ABL2: variants seen among roughly 807,000 people sequenced by gnomAD.
ABL2 encodes the protein ABL proto-oncogene 2, non-receptor tyrosine kinase, also known as tyrosine-protein kinase ABL2.
A neutral mutation model predicts 107.7 loss-of-function variants in ABL2; 49 were observed. The observed-to-expected ratio is 0.45, with a 90% CI of 0.36 to 0.58. ABL2 has a LOEUF of 0.58. ABL2 is among the 20% of genes least tolerant of loss of function. The probability of loss-of-function intolerance (pLI) is 0.00; values close to 1 mark genes in which losing one functional copy is unlikely to be tolerated. For missense variants in ABL2, 1,245 were observed against 1,457.0 expected, an observed-to-expected ratio of 0.85 and a Z score of 2.37; for synonymous variants, 549 against 548.6, an observed-to-expected ratio of 1.00 and a Z score of -0.01.
At position 179,109,288 on chromosome 1, in the gene ABL2, C is replaced by G. The variant is rs754569887; in HGVS notation, c.1979G>C (p.Arg660Thr). ...GCGTTTGGGGGGTGTAGGAGCATTTCTCTTCTTCATGAAGGAGCTGAAGAA... is the reference window on the plus strand; with the variant it reads ...GCGTTTGGGGGGTGTAGGAGCATTTGTCTTCTTCATGAAGGAGCTGAAGAA... ...GGFFSSFMKK[R>T]NAPTPPKRSS... The change falls in exon 12 of 12, where the codon AGA becomes ACA. Residue 660 changes from arginine to threonine, a missense_variant. By Grantham distance (71) the Arg-to-Thr change is moderately conservative (BLOSUM62 -1). This residue lies in a region of ABL2 where 761 missense variants were observed against 766.4 expected (regional missense o/e 0.99). Coordinates refer to ENST00000502732, the MANE Select transcript of ABL2 (RefSeq NM_007314.4). 1 of 1,614,110 alleles carries G rather than the reference C, an allele frequency of 6.2e-7. No individual in the cohort carries two copies.
chr1:179,110,743 G>A, intron 10 of ABL2: 1 of 1,613,610 alleles, frequency 6.2e-7, no homozygotes, highest in Non-Finnish European at 8.5e-7. Context: ...TGTTTAGGTT[G>A]TTTCCAGTTT....
intron 1 of ABL2, among the ~76,000 whole-genome samples, chr1:179,140,020 C>T (rs957514306): frequency 1.4e-4 from 21 of 152,268 alleles, no homozygotes; most frequent in Admixed American, 6.5e-4. Context: ...TCCATGCTTC[C>T]GTGCTTGTTC....
Position 179,108,773 on chromosome 1 carries a change from T to A in ABL2, c.2494A>T (p.Met832Leu). 6.2e-7 allele frequency: 1 copy of A among 1,614,204 alleles called. No homozygotes were observed. Among genetic ancestry groups the A allele is most frequent in the Admixed American group, 1.7e-5 (1 of 60,032 alleles). Residue 832 changes from methionine (M) to leucine (L), a missense_variant, in exon 12 of 12, where the codon ATG becomes TTG. Physicochemically the swap from Met to Leu is conservative, Grantham distance 15. Transcript: ENST00000502732. ...CTTTCCTCTGATTTTTTTGGAAGCA[T>A]GTCATTGGCCCTGTCCACATTCTCT... Reference protein sequence around the residue: ...PEENVDRANDMLPKKSEESAA... With the variant: ...PEENVDRANDLLPKKSEESAA...
chr1:179,126,889 A>G lies in ABL2; in HGVS notation c.392-217T>C, dbSNP rs1655773125. Among the ~76,000 whole-genome samples, 1 of 152,144 alleles carries G rather than the reference A, an allele frequency of 6.6e-6. No individual in the cohort carries two copies. The highest frequency in any genetic ancestry group is 1.5e-5 in the Non-Finnish European group (1 of 68,032). ...GCTTAACCACAGAAGTATGGTCACA[A>G]ATGGTTTTCTGGCATTTACTACAGG... On this transcript the variant is annotated intron_variant, in intron 3 of 11. Transcript: ENST00000502732. The surrounding 1 kb of genome is among the most constrained non-coding windows in gnomAD (Gnocchi z 4.4).
intron 1 of ABL2, among the ~76,000 whole-genome samples, chr1:179,223,672 G>A: frequency 6.6e-6 from 1 of 151,480 alleles, no homozygotes. Context: ...CTGCAGGATT[G>A]GCACTCAAGA....
chr1:179,176,209 G>A (rs562030323), intron 1 of ABL2, among the ~76,000 whole-genome samples: 114 of 152,072 alleles, frequency 7.5e-4, no homozygotes, highest in African/African-American at 2.6e-3. Context: ...TAGTGAGGGC[G>A]GTGGGAGGGT....
In ABL2 at chr1:179,101,965, GA is replaced by G. The variant is rs372669375; in HGVS notation, c.*5752del. On this transcript the variant is annotated 3_prime_UTR_variant, in exon 12 of 12. Transcript: ENST00000502732. Reference sequence around the variant, plus strand: ...ATTACTACTGGCTTGCTGGAAAAAAGAAAAAAAAAGCAAGCTTTGCATTAGA... The same window carrying G: ...ATTACTACTGGCTTGCTGGAAAAAAGAAAAAAAAGCAAGCTTTGCATTAGA... 6.6e-5 allele frequency: 4 copies of G among 60,196 alleles called. No homozygotes were observed. The highest frequency in any genetic ancestry group is 1.0e-3 in the East Asian group (2 of 2,008). The allele number at this position is 60,196 out of a possible 1,614,324, so 3.7% of individuals were successfully genotyped here.
At chr1:179,165,453 C>T (rs1242352446) in intron 1 of ABL2, among the ~76,000 whole-genome samples, 3 of 151,902 alleles carry the variant, frequency 2.0e-5, no homozygotes, top group Non-Finnish European at 4.4e-5. Context: ...CTAGTACAGC[C>T]CCAGATTTTC....
At chr1:179,114,746 T>C (rs1654453347) in intron 9 of ABL2, 132 bp downstream of exon 9, 12 of 932,016 alleles carry the variant, frequency 1.3e-5, no homozygotes, top group South Asian at 2.8e-5. Context: ...GGCTGATCAA[T>C]GATAAACTCT....
At position 179,100,237 on chromosome 1, in the gene ABL2, G is replaced by A. The variant is rs900560355; in HGVS notation, c.*7481C>T. 1 of 227,878 alleles carries A rather than the reference G, an allele frequency of 4.4e-6. No homozygotes were observed. Among genetic ancestry groups the A allele is most frequent in the East Asian group, 6.3e-5 (1 of 15,852 alleles). 14.1% of individuals were successfully genotyped at this position (227,878 alleles called of 1,614,324 possible). A position where few individuals can be genotyped will look rare whatever the true frequency, so the allele number is the denominator to read the frequency against. On this transcript the variant is annotated 3_prime_UTR_variant, in exon 12 of 12. Coordinates refer to ENST00000502732, the MANE Select transcript of ABL2 (RefSeq NM_007314.4). ...CAAATGGCCACAGTGAGAAATTGCT[G>A]TCAAAATGGAGGAGAGCTGGTTTCT... is the stretch of plus-strand genomic sequence containing the variant.
At chr1:179,131,513 G>A (rs778261123) in intron 2 of ABL2, 32 bp from the exon 3 acceptor site, 29 of 1,605,826 alleles carry the variant, frequency 1.8e-5, no homozygotes, top group East Asian at 1.1e-4. Context: ...GGGAATTCAC[G>A]GTGAGTTCAA....
At chr1:179,181,449 A>G (rs1163420020) in intron 1 of ABL2, among the ~76,000 whole-genome samples, 1 of 152,192 alleles carries the variant, frequency 6.6e-6, no homozygotes, top group Non-Finnish European at 1.5e-5. Context: ...TGAGTCCTAA[A>G]TAACTAGCCT....
At position 179,100,472 on chromosome 1, in the gene ABL2, T is replaced by C. The variant is rs1456341859; in HGVS notation, c.*7246A>G. On this transcript the variant is annotated 3_prime_UTR_variant, in exon 12 of 12. Coordinates refer to ENST00000502732, the MANE Select transcript of ABL2 (RefSeq NM_007314.4). ...ATAATTGCTGAAAATTAAGTATACA[T>C]ATATGTGAAAATTTAAGTCCCATTC... 7 of 227,052 alleles carry C rather than the reference T, an allele frequency of 3.1e-5. No individual in the cohort carries two copies. Among genetic ancestry groups the C allele is most frequent in the African/African-American group, 1.1e-4 (5 of 45,040 alleles). The allele number at this position is 227,052 out of a possible 1,614,324, so 14.1% of individuals were successfully genotyped here.
intron 4 of ABL2, among the ~76,000 whole-genome samples, chr1:179,124,464 CTTTTTT>C (rs562899587): frequency 2.4e-5 from 2 of 83,350 alleles, no homozygotes; most frequent in Non-Finnish European, 4.1e-5. Context: ...TTAGCTTCTG[CTTTTTT>C]TTTTTTTTTT....
At chr1:179,123,299 A>T (rs917336731) in intron 4 of ABL2, among the ~76,000 whole-genome samples, 2 of 152,092 alleles carry the variant, frequency 1.3e-5, no homozygotes, top group Admixed American at 6.5e-5. Flanking sequence ...TGAGGTCAAG[A>T]GTTGAGACCA....
At chr1:179,127,674 TC>T (rs944430179) in intron 3 of ABL2, among the ~76,000 whole-genome samples, 2 of 152,172 alleles carry the variant, frequency 1.3e-5, no homozygotes, top group Non-Finnish European at 2.9e-5. Flanking sequence ...ATGCAAGTCT[TC>T]CTACAGCATT....
chr1:179,208,865 T>C (rs900565161), intron 1 of ABL2, among the ~76,000 whole-genome samples: 1 of 152,228 alleles, frequency 6.6e-6, no homozygotes. Flanking sequence ...TGAAAACTGT[T>C]TTCATCATTT....
rs1363271040 is a variant in ABL2 at position 179,131,320 on chromosome 1, T to C, written c.382A>G (p.Ile128Val). The C allele has an allele frequency of 1.2e-6, 2 of 1,613,672 alleles. No individual in the cohort carries two copies. Among genetic ancestry groups the C allele is most frequent in the East Asian group, 2.2e-5 (1 of 44,884 alleles). ...FVASGDNTLS[I>V]TKGEKLRVLG... is the part of the protein sequence containing the mutation. The stretch of plus-strand genomic sequence containing the variant: ...TACATAGAAGCCTCACCTTTAGTGA[T>C]GCTGAGTGTGTTATCACCACTTGCT... The change falls in exon 3 of 12, where the codon ATC becomes GTC. Residue 128 changes from isoleucine (I) to valine (V), a missense_variant. Physicochemically the swap from Ile to Val is conservative, Grantham distance 29 (BLOSUM62 3). This residue lies in a region of ABL2 where 320 missense variants were observed against 547.0 expected (regional missense o/e 0.59). Coordinates refer to ENST00000502732, the MANE Select transcript of ABL2 (RefSeq NM_007314.4).
chr1:179,181,055 G>A (rs1557979799), intron 1 of ABL2, among the ~76,000 whole-genome samples: 1 of 152,190 alleles, frequency 6.6e-6, no homozygotes, highest in Non-Finnish European at 1.5e-5. Flanking sequence ...CATGGATTTG[G>A]ACACATTCTA....
Sources: allele counts gnomAD v4.1 joint callset (sites outside exome capture counted in the v4.1 genomes callset), GRCh38; gene constraint gnomAD v4.1.1; regional missense constraint gnomAD v4.1.1; non-coding constraint Gnocchi (gnomAD v3.1); transcripts MANE v1.5; gene names NCBI Gene and HGNC (gene_info 2026-07-23, HGNC 2026-07-21).